The following OXSM variants were observed in gnomAD, a reference collection of about 807,000 sequenced individuals.
OXSM encodes the protein 3-oxoacyl-ACP synthase, mitochondrial, also known as 3-oxoacyl-[acyl-carrier-protein] synthase, mitochondrial.
A neutral mutation model predicts 29.2 loss-of-function variants in OXSM; 19 were observed. That is an observed-to-expected ratio of 0.65 (90% CI 0.45 to 0.96). The LOEUF (loss-of-function observed/expected upper bound fraction) is 0.96, where lower values mean the gene tolerates loss of function less well. OXSM is among the 40% of genes least tolerant of loss of function. The probability of loss-of-function intolerance (pLI) is 0.00; values close to 1 mark genes in which losing one functional copy is unlikely to be tolerated. For synonymous variants in OXSM, 178 were observed against 197.1 expected (o/e 0.90, Z 0.81); for missense variants, 554 against 551.3 (o/e 1.00, Z -0.05).
intron 1 of OXSM, 150 bp downstream of exon 1, chr3:25,790,297 T>G (rs894989793): frequency 7.2e-6 from 2 of 277,280 alleles, no homozygotes; most frequent in African/African-American, 4.4e-5. Context: ...ACATGTGTGG[T>G]GGTGCCTGAG....
chr3:25,791,407 C>T lies in OXSM; in HGVS notation c.387C>T (p.Ala129=). Residue 129 remains alanine, a synonymous_variant, in exon 2 of 3, where the codon GCC becomes GCT. Transcript: ENST00000280701. ...TIMAIGAAEL[A]MKDSGWHPQS... ...TGGCCATTGGGGCTGCAGAATTAGC[C>T]ATGAAGGATTCTGGCTGGCATCCTC... 6.2e-7 allele frequency: 1 copy of T among 1,614,182 alleles called. No individual in the cohort carries two copies. Among genetic ancestry groups the T allele is most frequent in the Non-Finnish European group, 8.5e-7 (1 of 1,180,022 alleles).
Position 25,790,112 on chromosome 3 carries a change from G to C in OXSM, c.-67G>C, listed in dbSNP as rs1191602483. 1.7e-6 allele frequency: 1 copy of C among 584,930 alleles called. No individual in the cohort carries two copies. The highest frequency in any genetic ancestry group is 3.0e-6 in the Non-Finnish European group (1 of 329,098). The allele number at this position is 584,930 out of a possible 1,614,324, so 36.2% of individuals were successfully genotyped here. A position where few individuals can be genotyped will look rare whatever the true frequency, so the allele number is the denominator to read the frequency against. The stretch of plus-strand genomic sequence containing the variant: ...TGCGCTCGAGAGCGTCATCGCCCCC[G>C]ACTGTGGAGAAGTGTCCGGGGTAGC... On this transcript the variant is annotated 5_prime_UTR_variant, in exon 1 of 3. Coordinates refer to ENST00000280701, the MANE Select transcript of OXSM (RefSeq NM_017897.3).
chr3:25,792,795 AT>A (rs1708790004), intron 2 of OXSM, among the ~76,000 whole-genome samples: 2 of 152,370 alleles, frequency 1.3e-5, no homozygotes, highest in African/African-American at 4.8e-5. Flanking sequence ...ATGCAAAAAA[AT>A]AAAAATAAAA....
At chr3:25,793,268 A>G (rs145479229) in intron 2 of OXSM, among the ~76,000 whole-genome samples, 6,153 of 151,812 alleles carry the variant, frequency 0.041, 386 homozygotes, top group African/African-American at 0.14. Context: ...TGCTGGGATT[A>G]CAGGTGTGAG....
In OXSM at chr3:25,794,140, A is replaced by G. The variant is rs747156675; in HGVS notation, c.1026A>G (p.Ile342Met). The change falls in exon 3 of 3, where the codon ATA (isoleucine) becomes ATG (methionine). Residue 342 changes from isoleucine (I) to methionine (M), a missense_variant. Physicochemically the swap from Ile to Met is conservative, Grantham distance 10 (BLOSUM62 1). Transcript: ENST00000280701. ...ATGCAGGTGTGCAGCCTGAGGAGAT[A>G]TCCTATATCAATGCACATGCTACTT... Reference protein sequence around the residue: ...LKDAGVQPEEISYINAHATST... With the variant: ...LKDAGVQPEEMSYINAHATST... 2 of 1,614,192 alleles carry G rather than the reference A, an allele frequency of 1.2e-6. No homozygotes were observed. Among genetic ancestry groups the G allele is most frequent in the Non-Finnish European group, 1.7e-6 (2 of 1,180,010 alleles).
In OXSM at chr3:25,791,543, G is replaced by T. The variant is rs1008658789; in HGVS notation, c.523G>T (p.Val175Phe). ...LNFQTKGYNK[V>F]SPFFVPKILV... ...TTTTCAGACAAAAGGTTACAATAAA[G>T]TTAGCCCATTTTTTGTCCCTAAGAT... The change falls in exon 2 of 3, where the codon GTT (valine) becomes TTT (phenylalanine). Residue 175 changes from valine to phenylalanine, a missense_variant. Val to Phe is a conservative substitution (Grantham distance 50). Transcript: ENST00000280701. 1.2e-6 allele frequency: 2 copies of T among 1,614,168 alleles called. No homozygotes were observed. Among genetic ancestry groups the T allele is most frequent in the Non-Finnish European group, 1.7e-6 (2 of 1,180,026 alleles).
rs1708832849 is a variant in OXSM at position 25,794,367 on chromosome 3, C to G, written c.1253C>G (p.Pro418Arg). 2 of 1,614,054 alleles carry G rather than the reference C, an allele frequency of 1.2e-6. No individual in the cohort carries two copies. Among genetic ancestry groups the G allele is most frequent in the Admixed American group, 1.7e-5 (1 of 60,006 alleles). Residue 418 changes from proline to arginine, a missense_variant, in exon 3 of 3, where the codon CCA becomes CGA. Transcript: ENST00000280701. ...ACTTTAAACCTGGATTGTTCGGAAC[C>G]AGAATTTGATCTCAACTATGTTCCA... ...PPTLNLDCSE[P>R]EFDLNYVPLK...
intron 2 of OXSM, among the ~76,000 whole-genome samples, 197 bp from the exon 3 acceptor site, chr3:25,793,895 T>C (rs1035610007): frequency 3.3e-5 from 5 of 152,228 alleles, no homozygotes; most frequent in African/African-American, 1.2e-4. Context: ...AGGTAGTGAG[T>C]GTGACTCATT....
intron 1 of OXSM, 27 bp from the exon 2 acceptor site, chr3:25,790,963 T>C (rs765718491): frequency 5.2e-6 from 8 of 1,538,982 alleles, no homozygotes; most frequent in Non-Finnish European, 7.1e-6. Flanking sequence ...AAAGAATACC[T>C]CCTAGGTGTG....
chr3:25,794,294 G>A lies in OXSM; in HGVS notation c.1180G>A (p.Glu394Lys), dbSNP rs746852820. ...GHLLGAAGAV[E>K]AAFTTLACYY... ...TCTGCTGGGAGCTGCAGGGGCAGTCGAGGCAGCTTTTACCACATTAGCTTG... is the reference window on the plus strand; with the variant it reads ...TCTGCTGGGAGCTGCAGGGGCAGTCAAGGCAGCTTTTACCACATTAGCTTG... The change falls in exon 3 of 3, where the codon GAG (glutamate) becomes AAG (lysine). Residue 394 changes from glutamate (E) to lysine (K), a missense_variant. Glu to Lys is a moderately conservative substitution (Grantham distance 56, BLOSUM62 1). Transcript: ENST00000280701. 3.7e-6 allele frequency: 6 copies of A among 1,614,090 alleles called. No homozygotes were observed. The highest frequency in any genetic ancestry group is 2.7e-5 in the African/African-American group (2 of 74,936).
At chr3:25,792,350 T>G (rs989572139) in intron 2 of OXSM, among the ~76,000 whole-genome samples, 3 of 152,224 alleles carry the variant, frequency 2.0e-5, no homozygotes, top group African/African-American at 7.2e-5. Flanking sequence ...AAGTCAACCC[T>G]TCTAGATGTG....
rs1708824917 is a variant in OXSM at position 25,794,147 on chromosome 3, A to G, written c.1033A>G (p.Ile345Val). Residue 345 changes from isoleucine to valine, a missense_variant, in exon 3 of 3, where the codon ATC becomes GTC. By Grantham distance (29) the Ile-to-Val change is conservative. Transcript: ENST00000280701. ...AGVQPEEISY[I>V]NAHATSTPLG... Reference sequence around the variant, plus strand: ...TGTGCAGCCTGAGGAGATATCCTATATCAATGCACATGCTACTTCCACACC... The same window carrying G: ...TGTGCAGCCTGAGGAGATATCCTATGTCAATGCACATGCTACTTCCACACC... 1 of 1,614,188 alleles carries G rather than the reference A, an allele frequency of 6.2e-7. No individual in the cohort carries two copies. Among genetic ancestry groups the G allele is most frequent in the Non-Finnish European group, 8.5e-7 (1 of 1,179,986 alleles).
Position 25,794,224 on chromosome 3 carries a change from T to C in OXSM, c.1110T>C (p.His370=), listed in dbSNP as rs202167280. 4.6e-5 allele frequency: 74 copies of C among 1,614,132 alleles called. No individual in the cohort carries two copies. The highest frequency in any genetic ancestry group is 6.7e-5 in the Admixed American group (4 of 60,008). ...NKAIKHLFKD[H]AYALAVSSTK... ...CTATCAAACATCTCTTCAAAGACCA[T>C]GCATATGCCCTTGCAGTTTCCTCAA... The change falls in exon 3 of 3, where the codon CAT becomes CAC. Residue 370 remains histidine, a synonymous_variant. Transcript: ENST00000280701.
chr3:25,794,212 C>T lies in OXSM; in HGVS notation c.1098C>T (p.Leu366=), dbSNP rs1429750084. The stretch of plus-strand genomic sequence containing the variant: ...CTGAAAACAAAGCTATCAAACATCT[C>T]TTCAAAGACCATGCATATGCCCTTG... The part of the protein sequence containing the change: ...DAAENKAIKH[L]FKDHAYALAV... The change falls in exon 3 of 3, where the codon CTC becomes CTT. Residue 366 remains leucine, a synonymous_variant. Coordinates refer to ENST00000280701, the MANE Select transcript of OXSM (RefSeq NM_017897.3). 3.7e-6 allele frequency: 6 copies of T among 1,614,256 alleles called. 1 individual carries two copies. The Admixed American group carries it at 1.0e-4, about 27-fold the overall frequency.
chr3:25,791,457 C>CTGGT lies in OXSM; in HGVS notation c.438_441dup (p.Val148TrpfsTer12), dbSNP rs1256780580. 1 of 1,614,176 alleles carries CTGGT rather than the reference C, an allele frequency of 6.2e-7. No individual in the cohort carries two copies. The highest frequency in any genetic ancestry group is 8.5e-7 in the Non-Finnish European group (1 of 1,180,012). Reference sequence around the variant, plus strand: ...CAGTCAGAAGCTGATCAAGTGGCTACTGGTGTTGCAATTGGCATGGGAATG... The same window carrying CTGGT: ...CAGTCAGAAGCTGATCAAGTGGCTACTGGTTGGTGTTGCAATTGGCATGGGAATG... On this transcript the variant is annotated frameshift_variant, in exon 2 of 3. Coordinates refer to ENST00000280701, the MANE Select transcript of OXSM (RefSeq NM_017897.3). LOFTEE classifies it high-confidence loss of function.
At chr3:25,792,098 A>C in intron 2 of OXSM, 101 bp downstream of exon 2, 1 of 971,472 alleles carries the variant, frequency 1.0e-6, no homozygotes, top group Middle Eastern at 2.2e-4. Context: ...GGTGTACAGT[A>C]TCTCTGTTGT....
At chr3:25,792,260 A>G (rs1708775048) in intron 2 of OXSM, among the ~76,000 whole-genome samples, 1 of 152,192 alleles carries the variant, frequency 6.6e-6, no homozygotes, top group Admixed American at 6.5e-5. Context: ...CCAACTTTTC[A>G]CGCCTGCATT....
At chr3:25,790,616 G>A (rs1456677155) in intron 1 of OXSM, 1 of 184,084 alleles carries the variant, frequency 5.4e-6, no homozygotes, top group African/African-American at 2.4e-5. Flanking sequence ...CCTGAAATGT[G>A]TTTTCTGTGC....
intron 1 of OXSM, chr3:25,790,420 A>G: frequency 6.1e-6 from 1 of 162,922 alleles, no homozygotes; most frequent in Non-Finnish European, 1.3e-5. Flanking sequence ...CAATTGGAGA[A>G]GTTTAGAGGA....
Sources: gnomAD v4.1 joint callset for allele counts (sites outside exome capture counted in the v4.1 genomes callset) on GRCh38, gnomAD v4.1.1 for gene constraint, MANE v1.5 for transcripts, NCBI Gene and HGNC (gene_info 2026-07-23, HGNC 2026-07-21) for gene names.